The following PRR16 variants were observed in gnomAD, a reference collection of about 807,000 sequenced individuals.
The protein encoded by PRR16 is protein Largen.
A neutral mutation model predicts 18.2 loss-of-function variants in PRR16; 6 were observed. The observed-to-expected ratio is 0.33, with a 90% CI of 0.18 to 0.65. The LOEUF is 0.65. PRR16 is among the 30% of genes least tolerant of loss of function. The probability of loss-of-function intolerance (pLI) is 0.74; values close to 1 mark genes in which losing one functional copy is unlikely to be tolerated. For synonymous variants in PRR16, 151 were observed against 147.8 expected (o/e 1.02, Z -0.16); for missense variants, 412 against 376.6 (o/e 1.09, Z -0.78).
At chr5:120,766,692 G>C in the PRR16 span, among the ~76,000 whole-genome samples, 39 of 151,934 alleles carry the variant, frequency 2.6e-4, no homozygotes, top group African/African-American at 9.2e-4. Context: ...TTTTCCACAA[G>C]GCTATAAGCA....
At chr5:120,785,165 A>C in the PRR16 span, among the ~76,000 whole-genome samples, 2 of 152,206 alleles carry the variant, frequency 1.3e-5, no homozygotes, top group African/African-American at 4.8e-5. Flanking sequence ...CTTGCCAGTA[A>C]GGCAGTATTG....
chr5:120,522,781 AT>A (rs142088500), intron 1 of PRR16, among the ~76,000 whole-genome samples: 4 of 151,316 alleles, frequency 2.6e-5, no homozygotes, highest in African/African-American at 9.7e-5. Context: ...ATTTTATTTT[AT>A]TTTTTTTGTA....
the PRR16 span, among the ~76,000 whole-genome samples, chr5:120,706,252 C>T: frequency 2.0e-5 from 3 of 152,030 alleles, no homozygotes; most frequent in African/African-American, 7.2e-5. Context: ...TTGATAGTTG[C>T]TAAGCAAGTC....
intron 1 of PRR16, among the ~76,000 whole-genome samples, chr5:120,634,008 G>A (rs1755146560): frequency 6.6e-6 from 1 of 151,966 alleles, no homozygotes; most frequent in African/African-American, 2.4e-5. Flanking sequence ...TTAGCACATG[G>A]AACATTCTCT....
At chr5:120,730,261 C>A in the PRR16 span, among the ~76,000 whole-genome samples, 1 of 152,002 alleles carries the variant, frequency 6.6e-6, no homozygotes, top group Non-Finnish European at 1.5e-5. Context: ...AATTCTCAGG[C>A]TTTTAAGGTA....
At chr5:120,556,819 T>C (rs1272264380) in intron 1 of PRR16, among the ~76,000 whole-genome samples, 2 of 151,888 alleles carry the variant, frequency 1.3e-5, no homozygotes, top group Admixed American at 6.6e-5. Context: ...GGGCTGAACC[T>C]ACAAAATCAT....
the PRR16 span, among the ~76,000 whole-genome samples, chr5:120,770,903 G>T: frequency 2.1e-5 from 3 of 146,248 alleles, no homozygotes; most frequent in Admixed American, 2.1e-4. Context: ...CCATAACTCT[G>T]TGAGTATTTG....
chr5:120,754,361 T>G, the PRR16 span, among the ~76,000 whole-genome samples: 1 of 62,164 alleles, frequency 1.6e-5, no homozygotes, highest in Admixed American at 2.7e-4. Context: ...ATGATGTATA[T>G]AAATATATAA....
chr5:120,566,702 A>G (rs1159862864), intron 1 of PRR16, among the ~76,000 whole-genome samples: 4 of 152,216 alleles, frequency 2.6e-5, no homozygotes, highest in Non-Finnish European at 5.9e-5. Context: ...TAAAATTTAA[A>G]TGTTGTGAAA....
At chr5:120,627,033 T>C (rs983773272) in intron 1 of PRR16, among the ~76,000 whole-genome samples, 1 of 152,142 alleles carries the variant, frequency 6.6e-6, no homozygotes, top group African/African-American at 2.4e-5. Flanking sequence ...AGAAATCCAC[T>C]ACCTGTACCC....
intron 1 of PRR16, among the ~76,000 whole-genome samples, chr5:120,563,680 T>G (rs10035348): frequency 6.6e-6 from 1 of 152,316 alleles, no homozygotes; most frequent in Non-Finnish European, 1.5e-5. Context: ...TGTCCAAGAC[T>G]CTAGGCTTGG....
chr5:120,494,091 G>A (rs1044402805), intron 1 of PRR16, among the ~76,000 whole-genome samples: 5 of 152,128 alleles, frequency 3.3e-5, no homozygotes, highest in African/African-American at 7.2e-5. Context: ...TACATGTTTA[G>A]TTTTATAAGA....
chr5:120,612,418 A>G (rs1460017461), intron 1 of PRR16, among the ~76,000 whole-genome samples: 1 of 152,106 alleles, frequency 6.6e-6, no homozygotes, highest in Non-Finnish European at 1.5e-5. Context: ...CTCAACTTGA[A>G]TTGTATCTCC....
intron 1 of PRR16, among the ~76,000 whole-genome samples, chr5:120,503,816 A>T (rs1204626124): frequency 6.9e-6 from 1 of 145,468 alleles, no homozygotes; most frequent in Non-Finnish European, 1.5e-5. Context: ...CAGTCCCCAG[A>T]GTGTGATGTT....
At chr5:120,565,517 C>G (rs1332387908) in intron 1 of PRR16, among the ~76,000 whole-genome samples, 2 of 152,116 alleles carry the variant, frequency 1.3e-5, no homozygotes, top group Non-Finnish European at 2.9e-5. Flanking sequence ...ACTGGTTCTG[C>G]CATGTTTGAT....
chr5:120,567,421 C>T (rs577009469), intron 1 of PRR16, among the ~76,000 whole-genome samples: 2 of 152,194 alleles, frequency 1.3e-5, no homozygotes, highest in East Asian at 1.9e-4. Flanking sequence ...TCAGAATATT[C>T]ATATGAAATA....
intron 1 of PRR16, among the ~76,000 whole-genome samples, chr5:120,670,671 G>A (rs1450509224): frequency 2.6e-5 from 4 of 152,070 alleles, no homozygotes. Flanking sequence ...ATATCATAAT[G>A]CTTGTATACC....
intron 1 of PRR16, among the ~76,000 whole-genome samples, chr5:120,627,486 T>G (rs1754905237): frequency 6.6e-6 from 1 of 152,056 alleles, no homozygotes; most frequent in African/African-American, 2.4e-5. Context: ...TGATGAATTA[T>G]GATAGTCTTT....
chr5:120,783,363 C>A, the PRR16 span, among the ~76,000 whole-genome samples: 2 of 151,982 alleles, frequency 1.3e-5, no homozygotes, highest in South Asian at 2.1e-4. Flanking sequence ...GTATTTAATT[C>A]TATATATATC....
Sources: allele counts gnomAD v4.1 joint callset (sites outside exome capture counted in the v4.1 genomes callset), GRCh38; gene constraint gnomAD v4.1.1; transcripts MANE v1.5; gene names NCBI Gene and HGNC (gene_info 2026-07-23, HGNC 2026-07-21).